The following SUCO variants were observed in gnomAD, a reference collection of about 807,000 sequenced individuals.
SUCO encodes SUN domain containing ossification factor.
Under a neutral mutation model 148.1 loss-of-function variants are expected in SUCO, and 57 were observed. The observed-to-expected ratio is 0.38, with a 90% CI of 0.31 to 0.48. The LOEUF is 0.48. Among genes scored for constraint, SUCO ranks in the 20% least tolerant of loss-of-function variants. The pLI, the probability that SUCO is intolerant of heterozygous loss-of-function variation, is 0.96. For synonymous variants in SUCO, 470 were observed against 502.7 expected (o/e 0.93, Z 0.87); for missense variants, 1,331 against 1,468.2 (o/e 0.91, Z 1.53).
At chr1:172,573,777 AT>A (rs1430600921) in intron 9 of SUCO, 113 bp from the exon 10 acceptor site, 4 of 618,388 alleles carry the variant, frequency 6.5e-6, no homozygotes, top group Non-Finnish European at 1.1e-5. Context: ...TCCTCTTAAC[AT>A]TTTAATGAGT....
chr1:172,577,945 A>C lies in SUCO; in HGVS notation c.1340+126A>C, dbSNP rs1349620215. On this transcript the variant is annotated intron_variant, in intron 13 of 23. Transcript: ENST00000263688. ...TAATACCATAGAAATAAAAACTGTG[A>C]AACCTTTCTTTTGAATGCATTTTGG... The C allele has an allele frequency of 2.4e-5, 16 of 670,514 alleles. No individual in the cohort carries two copies. In the Admixed American group the frequency reaches 5.1e-4, roughly 21 times the overall value. The allele number at this position is 670,514 out of a possible 1,614,324, so 41.5% of individuals were successfully genotyped here.
chr1:172,598,827 C>A (rs1657300144), intron 19 of SUCO, among the ~76,000 whole-genome samples: 1 of 152,040 alleles, frequency 6.6e-6, no homozygotes, highest in Non-Finnish European at 1.5e-5. Context: ...TCAAAAGAAA[C>A]AATTTAAAAA....
Position 172,588,037 on chromosome 1 carries a change from A to G in SUCO, c.1659-723A>G, listed in dbSNP as rs894267925. 4.2e-6 allele frequency: 4 copies of G among 957,076 alleles called. No individual in the cohort carries two copies. The African/African-American group carries it at 5.3e-5, about 13-fold the overall frequency. 59.3% of individuals were successfully genotyped at this position (957,076 alleles called of 1,614,324 possible). A position where few individuals can be genotyped will look rare whatever the true frequency, so the allele number is the denominator to read the frequency against. ...GTAGTTTAATAGCAGCACTGTTAGC[A>G]TATCATAAGCCAGAATTGTTATTAA... On this transcript the variant is annotated intron_variant, in intron 17 of 23. Transcript: ENST00000263688.
chr1:172,589,335 C>T lies in SUCO; in HGVS notation c.2234C>T (p.Pro745Leu). 6.2e-7 allele frequency: 1 copy of T among 1,613,428 alleles called. No individual in the cohort carries two copies. Among genetic ancestry groups the T allele is most frequent in the Non-Finnish European group, 8.5e-7 (1 of 1,179,720 alleles). ...LDITPEINPL[P>L]KIEVSESVEY... ...ATTACCCCAGAAATCAATCCCTTGC[C>T]TAAAATAGAAGTATCTGAGTCTGTT... is the stretch of plus-strand genomic sequence containing the variant. Residue 745 changes from proline to leucine, a missense_variant, in exon 18 of 24, where the codon CCT (proline) becomes CTT (leucine). Physicochemically the swap from Pro to Leu is moderately conservative, Grantham distance 98 (BLOSUM62 -3). Around this residue, in one of 3 missense-constraint regions of SUCO, gnomAD observed 992 missense variants for 1,093.5 expected, o/e 0.91. Transcript: ENST00000263688.
chr1:172,576,039 T>C (rs1285477479), intron 11 of SUCO, among the ~76,000 whole-genome samples: 2 of 152,018 alleles, frequency 1.3e-5, no homozygotes, highest in East Asian at 3.9e-4. Flanking sequence ...TATTTGGCAT[T>C]GTTACAGCTT....
chr1:172,605,799 T>G (rs1650091913), intron 22 of SUCO, among the ~76,000 whole-genome samples: 2 of 151,792 alleles, frequency 1.3e-5, no homozygotes, highest in South Asian at 4.1e-4. Context: ...CTTATAGCTT[T>G]TATTTCCTTT....
At chr1:172,593,860 C>G (rs1558208353) in intron 19 of SUCO, among the ~76,000 whole-genome samples, 1 of 152,176 alleles carries the variant, frequency 6.6e-6, no homozygotes, top group Non-Finnish European at 1.5e-5. Flanking sequence ...GTACCAGCTC[C>G]TCTTTGTACC....
intron 15 of SUCO, among the ~76,000 whole-genome samples, chr1:172,582,489 A>G (rs1164165110): frequency 1.3e-5 from 2 of 152,164 alleles, no homozygotes; most frequent in African/African-American, 2.4e-5. Flanking sequence ...TTTTATTCCT[A>G]AAGGAATGAG....
intron 17 of SUCO, among the ~76,000 whole-genome samples, 165 bp downstream of exon 17, chr1:172,586,113 T>C (rs905281741): frequency 6.6e-6 from 1 of 152,112 alleles, no homozygotes. Flanking sequence ...GAGTTGCTTC[T>C]TCCCATTAGT....
intron 1 of SUCO, among the ~76,000 whole-genome samples, chr1:172,538,388 G>A (rs1038325241): frequency 2.6e-5 from 4 of 151,844 alleles, no homozygotes; most frequent in African/African-American, 7.3e-5. Context: ...CATGATTGCT[G>A]GTCTATTAAT....
intron 18 of SUCO, 54 bp from the exon 19 acceptor site, chr1:172,590,930 T>A: frequency 7.9e-7 from 1 of 1,261,536 alleles, no homozygotes; most frequent in Admixed American, 2.0e-5. Flanking sequence ...TTTCCATTAC[T>A]AAGTGGAATA....
Position 172,609,873 on chromosome 1 carries a change from T to C in SUCO, c.3379T>C (p.Leu1127=), listed in dbSNP as rs1171130936. The stretch of plus-strand genomic sequence containing the variant: ...TGAGACCATAAAGCCTGAAGAACCA[T>C]TGCACCCCATAGCCAATGGCGACAT... ...KIETIKPEEP[L]HPIANGDIKG... The change falls in exon 24 of 24, where the codon TTG becomes CTG. Residue 1127 remains leucine (L), a synonymous_variant. Transcript: ENST00000263688. The C allele has an allele frequency of 6.2e-7, 1 of 1,613,372 alleles. No individual in the cohort carries two copies. The highest frequency in any genetic ancestry group is 2.2e-5 in the East Asian group (1 of 44,884).
At position 172,533,233 on chromosome 1, in the gene SUCO, C is replaced by G; in HGVS notation, c.-203C>G. 1.3e-6 allele frequency: 2 copies of G among 1,544,472 alleles called. No homozygotes were observed. The highest frequency in any genetic ancestry group is 1.7e-6 in the Non-Finnish European group (2 of 1,145,190). On this transcript the variant is annotated 5_prime_UTR_variant, in exon 1 of 24. Transcript: ENST00000263688. ...CGGCGGTCCCCGGAGTCCTGTGAAG[C>G]GCCCCTGTCCGCGCCTCTGTGGGGC... is the stretch of plus-strand genomic sequence containing the variant.
upstream of SUCO, chr1:172,533,035 T>A: frequency 7.0e-7 from 1 of 1,433,744 alleles, no homozygotes; most frequent in Non-Finnish European, 9.1e-7. Flanking sequence ...CCTTTCCAGC[T>A]CAGCGGTGTG....
intron 6 of SUCO, among the ~76,000 whole-genome samples, chr1:172,561,908 G>T (rs1256927763): frequency 6.6e-6 from 1 of 152,114 alleles, no homozygotes; most frequent in African/African-American, 2.4e-5. Context: ...CAACAAGGAG[G>T]AATACAAAAC....
intron 15 of SUCO, among the ~76,000 whole-genome samples, chr1:172,580,114 T>G (rs1655771994): frequency 6.6e-6 from 1 of 152,154 alleles, no homozygotes; most frequent in African/African-American, 2.4e-5. Context: ...GTAGCCACAG[T>G]ATATAGAGTT....
In SUCO at chr1:172,577,631, A is replaced by G; in HGVS notation, c.1284+72A>G. 8.2e-6 allele frequency: 13 copies of G among 1,586,694 alleles called. No homozygotes were observed. The South Asian group carries it at 9.1e-5, about 11-fold the overall frequency. ...ATTAATGCATTACAAAAACTTTACA[A>G]GTATTGATTTTGGGGAAAATAAGGA... On this transcript the variant is annotated intron_variant, in intron 12 of 23. Transcript: ENST00000263688.
intron 1 of SUCO, among the ~76,000 whole-genome samples, chr1:172,546,470 A>G (rs1019098588): frequency 3.3e-5 from 5 of 152,218 alleles, no homozygotes; most frequent in African/African-American, 7.2e-5. Context: ...CTGATTAACT[A>G]CTTCATGATT....
intron 19 of SUCO, among the ~76,000 whole-genome samples, chr1:172,598,194 C>T (rs545441218): frequency 6.6e-5 from 10 of 152,262 alleles, no homozygotes; most frequent in African/African-American, 1.9e-4. Flanking sequence ...TAGAATCATT[C>T]GTTGGAATGA....
Sources: allele counts gnomAD v4.1 joint callset (sites outside exome capture counted in the v4.1 genomes callset), GRCh38; gene constraint gnomAD v4.1.1; regional missense constraint gnomAD v4.1.1; transcripts MANE v1.5; gene names NCBI Gene and HGNC (gene_info 2026-07-23, HGNC 2026-07-21).